Variants in MZB1 observed in about 807,000 individuals in gnomAD.
MZB1 encodes marginal zone B and B1 cell specific protein.
A neutral mutation model predicts 17.2 loss-of-function variants in MZB1; 10 were observed. The observed-to-expected ratio is 0.58, with a 90% CI of 0.36 to 0.98. The LOEUF is 0.98. Among genes scored for constraint, MZB1 ranks in the 50% least tolerant of loss-of-function variants. The pLI is 0.01. For synonymous variants in MZB1, 99 were observed against 98.7 expected (o/e 1.00, Z -0.02); for missense variants, 246 against 237.5 (o/e 1.04, Z -0.23).
Position 139,387,875 on chromosome 5 carries a change from G to C in MZB1, c.460C>G (p.Gln154Glu). ...LHYLGEFGED[Q>E]IYEAHQQGRG... is the part of the protein sequence containing the mutation. ...CCTTGTTGGTGGGCTTCATAGATCT[G>C]GTCTTCTCCAAACTCCCCCAAGTAG... Residue 154 changes from glutamine to glutamate, a missense_variant, in exon 4 of 4, where the codon CAG becomes GAG. By Grantham distance (29) the Gln-to-Glu change is conservative (BLOSUM62 2). Coordinates refer to ENST00000302125, the MANE Select transcript of MZB1 (RefSeq NM_016459.4). 2 of 1,605,086 alleles carry C rather than the reference G, an allele frequency of 1.2e-6. No individual in the cohort carries two copies. Among genetic ancestry groups the C allele is most frequent in the Non-Finnish European group, 1.7e-6 (2 of 1,176,556 alleles).
chr5:139,389,672 G>T lies in MZB1; in HGVS notation c.177+8C>A. The T allele has an allele frequency of 6.3e-7, 1 of 1,586,400 alleles. No homozygotes were observed. The highest frequency in any genetic ancestry group is 8.6e-7 in the Non-Finnish European group (1 of 1,166,638). ...AGCAGGGCAGGGTGACAGTGGTGAAGGACTCACCTGGTAAGCCACAGCTCT... is the reference window on the plus strand; with the variant it reads ...AGCAGGGCAGGGTGACAGTGGTGAATGACTCACCTGGTAAGCCACAGCTCT... On this transcript the variant is annotated splice_region_variant and intron_variant, in intron 1 of 3. Coordinates refer to ENST00000302125, the MANE Select transcript of MZB1 (RefSeq NM_016459.4).
Position 139,388,514 on chromosome 5 carries a change from G to C in MZB1, c.249C>G (p.Ser83Arg). 6.2e-7 allele frequency: 1 copy of C among 1,603,196 alleles called. No individual in the cohort carries two copies. The highest frequency in any genetic ancestry group is 8.5e-7 in the Non-Finnish European group (1 of 1,174,988). ...CCAGGACATCCGTGTAGACCAACTC[G>C]CTCAGCTCCCGCCGCCCCCCAGAGT... The part of the protein sequence containing the change: ...TSNSGGRREL[S>R]ELVYTDVLDR... Residue 83 changes from serine (S) to arginine (R), a missense_variant, in exon 2 of 4, where the codon AGC becomes AGG. Transcript: ENST00000302125.
In MZB1 at chr5:139,389,824, C is replaced by T; in HGVS notation, c.33G>A (p.Leu11=). The change falls in exon 1 of 4, where the codon CTG becomes CTA. Residue 11 remains leucine, a synonymous_variant. Coordinates refer to ENST00000302125, the MANE Select transcript of MZB1 (RefSeq NM_016459.4). Reference sequence around the variant, plus strand: ...CCCCTGGGATGGCCCAGGCTCCCAGCAGCAGCAGCAGCAGTGGCAGTGACA... The same window carrying T: ...CCCCTGGGATGGCCCAGGCTCCCAGTAGCAGCAGCAGCAGTGGCAGTGACA... MRLSLPLLLL[L]LGAWAIPGGL... 1 of 1,547,820 alleles carries T rather than the reference C, an allele frequency of 6.5e-7. No individual in the cohort carries two copies. The highest frequency in any genetic ancestry group is 1.2e-5 in the South Asian group (1 of 83,990).
rs538505069 is a variant in MZB1, at chr5:139,389,798, C to T, written c.59G>A (p.Gly20Asp). The change falls in exon 1 of 4, where the codon GGC becomes GAC. Residue 20 changes from glycine to aspartate, a missense_variant. Physicochemically the swap from Gly to Asp is moderately conservative, Grantham distance 94. Transcript: ENST00000302125. ...LLLGAWAIPGGLGDRAPLTAT... is the reference protein window; with the variant it reads ...LLLGAWAIPGDLGDRAPLTAT... ...TGTGAGTGGCGCCCTGTCCCCGAGG[C>T]CCCCTGGGATGGCCCAGGCTCCCAG... 2 of 1,551,194 alleles carry T rather than the reference C, an allele frequency of 1.3e-6. No individual in the cohort carries two copies. The highest frequency in any genetic ancestry group is 8.7e-7 in the Non-Finnish European group (1 of 1,147,274).
Position 139,387,825 on chromosome 5 carries a change from T to G in MZB1, c.510A>C (p.Leu170=), listed in dbSNP as rs145343486. The change falls in exon 4 of 4, where the codon CTA becomes CTC. Residue 170 remains leucine (L), a synonymous_variant. Transcript: ENST00000302125. ...QQGRGALEAL[L]CGGPQGACSE... ...AGCAGGCCCCCTGGGGTCCCCCACA[T>G]AGCAATGCCTCCAGAGCCCCTCGGC... is the stretch of plus-strand genomic sequence containing the variant. The G allele has an allele frequency of 6.0e-4, 953 of 1,599,624 alleles. 5 individuals are homozygous for G. The African/African-American group carries it at 0.011, about 19-fold the overall frequency.
At chr5:139,388,756 T>C in intron 1 of MZB1, 171 bp from the exon 2 acceptor site, 1 of 1,163,362 alleles carries the variant, frequency 8.6e-7, no homozygotes, top group Non-Finnish European at 1.2e-6. Flanking sequence ...CCCAAAGCTC[T>C]CTGGGATGGG....
chr5:139,388,869 T>G, intron 1 of MZB1: 1 of 259,300 alleles, frequency 3.9e-6, no homozygotes, highest in East Asian at 9.5e-5. Context: ...ATTTTATTTT[T>G]ATTTATTTAT....
At chr5:139,389,219 C>A in intron 1 of MZB1, 1 of 316,128 alleles carries the variant, frequency 3.2e-6, no homozygotes, top group South Asian at 2.5e-5. Flanking sequence ...AAAACTGGAG[C>A]CCAATATTCA....
intron 1 of MZB1, chr5:139,389,327 G>C: frequency 2.0e-6 from 1 of 503,382 alleles, no homozygotes; most frequent in Non-Finnish European, 3.9e-6. Context: ...GCATACTCAC[G>C]TGCAGGCGCT....
chr5:139,389,660 G>T lies in MZB1; in HGVS notation c.177+20C>A, dbSNP rs1203479179. 1 of 1,581,570 alleles carries T rather than the reference G, an allele frequency of 6.3e-7. No homozygotes were observed. Among genetic ancestry groups the T allele is most frequent in the Non-Finnish European group, 8.6e-7 (1 of 1,163,642 alleles). On this transcript the variant is annotated intron_variant, in intron 1 of 3. Coordinates refer to ENST00000302125, the MANE Select transcript of MZB1 (RefSeq NM_016459.4). ...AGAAGGGGTGTGAGCAGGGCAGGGTGACAGTGGTGAAGGACTCACCTGGTA... is the reference window on the plus strand; with the variant it reads ...AGAAGGGGTGTGAGCAGGGCAGGGTTACAGTGGTGAAGGACTCACCTGGTA...
rs1581391396 is a variant in MZB1 at position 139,388,250 on chromosome 5, C to T, written c.303-119G>A. ...TGTGGAATTCAGAGAGGGAAAGCCC[C>T]TGGCCCAAGGTCACAAGGTGACCTT... On this transcript the variant is annotated intron_variant, in intron 2 of 3. Coordinates refer to ENST00000302125, the MANE Select transcript of MZB1 (RefSeq NM_016459.4). The T allele has an allele frequency of 2.7e-5, 31 of 1,153,118 alleles. No individual in the cohort carries two copies. The East Asian group carries it at 7.7e-4, about 29-fold the overall frequency. The allele number at this position is 1,153,118 out of a possible 1,614,324, so 71.4% of individuals were successfully genotyped here. A position where few individuals can be genotyped will look rare whatever the true frequency, so the allele number is the denominator to read the frequency against.
At chr5:139,388,788 G>A (rs1758557334) in intron 1 of MZB1, 4 of 809,668 alleles carry the variant, frequency 4.9e-6, no homozygotes, top group Non-Finnish European at 7.3e-6. Context: ...GGAAAGAAAT[G>A]CTGAAGTGGT....
intron 1 of MZB1, chr5:139,388,916 G>A (rs1489829624): frequency 9.2e-6 from 2 of 218,346 alleles, no homozygotes; most frequent in East Asian, 1.3e-4. Flanking sequence ...CGTCGCCCAG[G>A]CTGGAGTGCA....
intron 2 of MZB1, 67 bp from the exon 3 acceptor site, chr5:139,388,198 C>A: frequency 7.1e-7 from 1 of 1,415,184 alleles, no homozygotes. Flanking sequence ...GACCCATCTC[C>A]ACAGCAAGCT....
rs1389418674 is a variant in MZB1 at position 139,388,523 on chromosome 5, C to T, written c.240G>A (p.Arg80=). ...KLHTSNSGGR[R]ELSELVYTDV... The stretch of plus-strand genomic sequence containing the variant: ...CCGTGTAGACCAACTCGCTCAGCTC[C>T]CGCCGCCCCCCAGAGTTTGAGGTAT... The change falls in exon 2 of 4, where the codon CGG becomes CGA. Residue 80 remains arginine (R), a synonymous_variant. Coordinates refer to ENST00000302125, the MANE Select transcript of MZB1 (RefSeq NM_016459.4). The T allele has an allele frequency of 1.2e-6, 2 of 1,600,830 alleles. No homozygotes were observed. Among genetic ancestry groups the T allele is most frequent in the Non-Finnish European group, 1.7e-6 (2 of 1,173,770 alleles).
rs763192825 is a variant in MZB1 at position 139,387,735 on chromosome 5, G to C, written c.*30C>G. The C allele has an allele frequency of 2.4e-5, 36 of 1,495,260 alleles. 1 individual carries two copies. Among genetic ancestry groups the C allele is most frequent in the African/African-American group, 5.7e-5 (4 of 70,658 alleles). 92.6% of individuals were successfully genotyped at this position (1,495,260 alleles called of 1,614,324 possible). A position where few individuals can be genotyped will look rare whatever the true frequency, so the allele number is the denominator to read the frequency against. ...GTGGAGACCGTCAGAGCAAGCCCCAGCTTCTTTCAGAGGAGGGTAGAGTCC... is the reference window on the plus strand; with the variant it reads ...GTGGAGACCGTCAGAGCAAGCCCCACCTTCTTTCAGAGGAGGGTAGAGTCC... On this transcript the variant is annotated 3_prime_UTR_variant, in exon 4 of 4. Transcript: ENST00000302125.
In MZB1 at chr5:139,389,746, CTCA is replaced by C; in HGVS notation, c.108_110del (p.Asp36del). On this transcript the variant is annotated inframe_deletion, in exon 1 of 4. Transcript: ENST00000302125. The stretch of plus-strand genomic sequence containing the variant: ...CGGGCATGTGGGCTGAGTACATCTC[CTCA>C]TCATCCAGTTGTGGGGCTGTGGCTG... 1 of 1,567,720 alleles carries C rather than the reference CTCA, an allele frequency of 6.4e-7. No individual in the cohort carries two copies. Among genetic ancestry groups the C allele is most frequent in the Non-Finnish European group, 8.6e-7 (1 of 1,156,518 alleles).
intron 3 of MZB1, 37 bp from the exon 4 acceptor site, chr5:139,387,958 G>A (rs1223067549): frequency 4.4e-6 from 7 of 1,580,796 alleles, no homozygotes; most frequent in East Asian, 2.2e-5. Flanking sequence ...ATGCTGCCCA[G>A]CCCACAGTGG....
Position 139,387,696 on chromosome 5 carries a change from G to T in MZB1, c.*69C>A, listed in dbSNP as rs1316078913. 5 of 1,462,702 alleles carry T rather than the reference G, an allele frequency of 3.4e-6. No homozygotes were observed. The highest frequency in any genetic ancestry group is 3.1e-5 in the South Asian group (2 of 63,882). 90.6% of individuals were successfully genotyped at this position (1,462,702 alleles called of 1,614,324 possible). A position where few individuals can be genotyped will look rare whatever the true frequency, so the allele number is the denominator to read the frequency against. On this transcript the variant is annotated 3_prime_UTR_variant, in exon 4 of 4. Coordinates refer to ENST00000302125, the MANE Select transcript of MZB1 (RefSeq NM_016459.4). ...GCAAGGGCTTCCTGCCCTCCTGGCT[G>T]CCTGCAGACGGGAGTGGAGACCGTC...
Sources: gnomAD v4.1 joint callset for allele counts on GRCh38, gnomAD v4.1.1 for gene constraint, MANE v1.5 for transcripts, NCBI Gene and HGNC (gene_info 2026-07-23, HGNC 2026-07-21) for gene names.